PTPN5: variants seen among roughly 807,000 people sequenced by gnomAD.
PTPN5 encodes protein tyrosine phosphatase non-receptor type 5.
A neutral mutation model predicts 73.9 loss-of-function variants in PTPN5; 29 were observed. The observed-to-expected ratio is 0.39, with a 90% CI of 0.29 to 0.54. The LOEUF is 0.54. PTPN5 is among the 20% of genes least tolerant of loss of function. PTPN5 has a pLI of 0.65. For synonymous variants in PTPN5, 267 were observed against 304.7 expected (o/e 0.88, Z 1.29); for missense variants, 652 against 751.4 (o/e 0.87, Z 1.55).
intron 1 of PTPN5, among the ~76,000 whole-genome samples, chr11:18,788,402 C>G (rs547806554): frequency 1.3e-5 from 2 of 152,284 alleles, no homozygotes; most frequent in South Asian, 2.1e-4. Context: ...CCAATAACCT[C>G]CATCCCCTTA....
Position 18,728,805 on chromosome 11 carries a change from A to G in PTPN5, c.*129T>C, listed in dbSNP as rs966992392. On this transcript the variant is annotated 3_prime_UTR_variant, in exon 15 of 15. Transcript: ENST00000358540. This position sits in a 1 kb window ranked among gnomAD's most constrained non-coding sequence, Gnocchi z 4.1. Reference sequence around the variant, plus strand: ...GGAGGGTAGGGGTCAGGCCAGGCTGACAGAGGACAGAGGGAGCTGACTGAA... The same window carrying G: ...GGAGGGTAGGGGTCAGGCCAGGCTGGCAGAGGACAGAGGGAGCTGACTGAA... 3 of 803,226 alleles carry G rather than the reference A, an allele frequency of 3.7e-6. No individual in the cohort carries two copies. Among genetic ancestry groups the G allele is most frequent in the Non-Finnish European group, 5.9e-6 (3 of 504,660 alleles). The allele number at this position is 803,226 out of a possible 1,614,324, so 49.8% of individuals were successfully genotyped here.
chr11:18,765,562 G>C (rs1850606593), intron 3 of PTPN5, among the ~76,000 whole-genome samples: 1 of 152,140 alleles, frequency 6.6e-6, no homozygotes, highest in Non-Finnish European at 1.5e-5. Context: ...TCACTTCCTA[G>C]CACACCTTCA....
chr11:18,792,143 G>T (rs537134522), upstream of PTPN5: 1 of 152,266 alleles, frequency 6.6e-6, no homozygotes, highest in Non-Finnish European at 1.5e-5. Context: ...GCGCGGCTAC[G>T]GCAACTGCCA....
At chr11:18,748,226 T>C (rs1398154421) in intron 3 of PTPN5, among the ~76,000 whole-genome samples, 1 of 152,182 alleles carries the variant, frequency 6.6e-6, no homozygotes, top group East Asian at 1.9e-4. Context: ...CGAGGCTCTG[T>C]GAGACCCACC....
At chr11:18,782,064 C>T (rs901943557) in intron 1 of PTPN5, among the ~76,000 whole-genome samples, 5 of 152,224 alleles carry the variant, frequency 3.3e-5, no homozygotes, top group Admixed American at 6.5e-5. Context: ...ACACAGCAGA[C>T]GGCTTCATGA....
chr11:18,781,318 GACC>G (rs1444348036), intron 1 of PTPN5, among the ~76,000 whole-genome samples: 3 of 62,156 alleles, frequency 4.8e-5, no homozygotes, highest in South Asian at 6.2e-4. Flanking sequence ...GTCTTTTTTT[GACC>G]ACTTTTTTTT....
Position 18,743,435 on chromosome 11 carries a change from G to A in PTPN5, c.292-6C>T, listed in dbSNP as rs1289329898. The A allele has an allele frequency of 6.2e-7, 1 of 1,613,120 alleles. No individual in the cohort carries two copies. Among genetic ancestry groups the A allele is most frequent in the South Asian group, 1.1e-5 (1 of 91,052 alleles). ...CAGAGCACCCCACAGGCAAGCTGGGGCACAGGGGAGCAGGCTGAGTATGGA... is the reference window on the plus strand; with the variant it reads ...CAGAGCACCCCACAGGCAAGCTGGGACACAGGGGAGCAGGCTGAGTATGGA... On this transcript the variant is annotated splice_region_variant and splice_polypyrimidine_tract_variant and intron_variant, in intron 4 of 14. Transcript: ENST00000358540.
intron 8 of PTPN5, among the ~76,000 whole-genome samples, chr11:18,738,634 G>A (rs4757705): frequency 0.98 from 149,530 of 152,202 alleles, 73,484 homozygotes; most frequent in East Asian, 1. Flanking sequence ...TCCTGAGGGC[G>A]CTGGTCTCCC....
intron 9 of PTPN5, among the ~76,000 whole-genome samples, chr11:18,735,094 G>A (rs1849056817): frequency 6.6e-6 from 1 of 152,184 alleles, no homozygotes. Context: ...CCTTATGCCA[G>A]TAACTAGGAC....
At chr11:18,778,212 T>C (rs1851261059) in intron 1 of PTPN5, among the ~76,000 whole-genome samples, 1 of 152,212 alleles carries the variant, frequency 6.6e-6, no homozygotes, top group Non-Finnish European at 1.5e-5. Context: ...AAAATACTGT[T>C]GTGAGGAGTA....
At chr11:18,785,493 G>A (rs1399920937) in intron 1 of PTPN5, among the ~76,000 whole-genome samples, 1 of 152,196 alleles carries the variant, frequency 6.6e-6, no homozygotes, top group Non-Finnish European at 1.5e-5. Flanking sequence ...CATATAAAAT[G>A]ATGGTTCATC....
intron 3 of PTPN5, among the ~76,000 whole-genome samples, chr11:18,755,884 A>G (rs1422652765): frequency 6.6e-6 from 1 of 151,646 alleles, no homozygotes; most frequent in Non-Finnish European, 1.5e-5. Flanking sequence ...TGTGCCTGTA[A>G]TCCCAGTTAC....
intron 1 of PTPN5, among the ~76,000 whole-genome samples, chr11:18,773,766 T>C (rs1414916581): frequency 1.3e-5 from 2 of 152,148 alleles, no homozygotes; most frequent in Non-Finnish European, 2.9e-5. Flanking sequence ...GATTCTTGGC[T>C]TGGGAGGCAG....
chr11:18,750,085 A>G (rs1209526370), intron 3 of PTPN5, among the ~76,000 whole-genome samples: 2 of 152,150 alleles, frequency 1.3e-5, no homozygotes, highest in Non-Finnish European at 2.9e-5. Flanking sequence ...TCAGATGGAG[A>G]AACAGGCCCA....
intron 2 of PTPN5, 115 bp downstream of exon 2, chr11:18,771,824 T>C: frequency 1.2e-6 from 1 of 840,604 alleles, no homozygotes; most frequent in Non-Finnish European, 2.0e-6. Flanking sequence ...GGAAAAGGAA[T>C]GATCAGGCTG....
intron 1 of PTPN5, among the ~76,000 whole-genome samples, chr11:18,775,036 A>T (rs1441857196): frequency 3.4e-4 from 51 of 152,220 alleles, no homozygotes; most frequent in Non-Finnish European, 8.8e-5. Flanking sequence ...ACAGGCCAGG[A>T]ACTGCTCCAG....
At chr11:18,745,328 C>A (rs920625531) in intron 3 of PTPN5, among the ~76,000 whole-genome samples, 1 of 152,218 alleles carries the variant, frequency 6.6e-6, no homozygotes, top group Non-Finnish European at 1.5e-5. Flanking sequence ...TGCTCGCTCA[C>A]TTGACAAACA....
chr11:18,743,030 C>A lies in PTPN5; in HGVS notation c.445G>T (p.Val149Phe). 6.4e-7 allele frequency: 1 copy of A among 1,551,908 alleles called. No homozygotes were observed. The highest frequency in any genetic ancestry group is 8.7e-7 in the Non-Finnish European group (1 of 1,147,074). ...AGGACCAGGCCCACGGACAGAAAGA[C>A]CAGCAGCAGACTGGGGACTCCCCAC... The part of the protein sequence containing the change: ...GTWGVPSLLL[V>F]FLSVGLVLVT... The change falls in exon 6 of 15, where the codon GTC becomes TTC. Residue 149 changes from valine to phenylalanine, a missense_variant. Physicochemically the swap from Val to Phe is conservative, Grantham distance 50. This residue lies in a region of PTPN5 where 529 missense variants were observed against 573.9 expected (regional missense o/e 0.92). Coordinates refer to ENST00000358540, the MANE Select transcript of PTPN5 (RefSeq NM_006906.2).
intron 3 of PTPN5, among the ~76,000 whole-genome samples, chr11:18,747,050 A>C (rs146238411): frequency 1.1e-4 from 17 of 152,308 alleles, no homozygotes; most frequent in African/African-American, 4.1e-4. Flanking sequence ...TGTAAAAAGA[A>C]GGGCTTGAAC....
Sources: gnomAD v4.1 joint callset for allele counts (sites outside exome capture counted in the v4.1 genomes callset) on GRCh38, gnomAD v4.1.1 for gene constraint, gnomAD v4.1.1 regional missense constraint, Gnocchi (gnomAD v3.1) non-coding constraint, MANE v1.5 for transcripts, NCBI Gene and HGNC (gene_info 2026-07-23, HGNC 2026-07-21) for gene names.